Variants in PSMA8 observed in about 807,000 individuals in gnomAD.
The protein encoded by PSMA8 is proteasome 20S subunit alpha 8, also known as proteasome subunit alpha-type 8.
In PSMA8, 18 loss-of-function variants were observed where a neutral mutation model predicts 32.4. That is an observed-to-expected ratio of 0.56 (90% confidence interval 0.38 to 0.82). PSMA8 has a LOEUF of 0.82. PSMA8 is among the 40% of genes least tolerant of loss of function. The pLI is 0.00. For synonymous variants in PSMA8, 104 were observed against 98.1 expected (o/e 1.06, Z -0.36); for missense variants, 298 against 300.7 (o/e 0.99, Z 0.07).
chr18:26,158,297 T>A, intron 4 of PSMA8, 53 bp downstream of exon 4: 1 of 1,388,272 alleles, frequency 7.2e-7, no homozygotes, highest in Non-Finnish European at 9.9e-7. Context: ...ATATTCAATG[T>A]AAATGCTTTA....
intron 4 of PSMA8, among the ~76,000 whole-genome samples, chr18:26,174,418 A>G (rs2055248579): frequency 6.6e-6 from 1 of 152,220 alleles, no homozygotes; most frequent in African/African-American, 2.4e-5. Flanking sequence ...CTCAAATTTT[A>G]TATTCAAAAC....
chr18:26,162,066 G>A (rs752024312), intron 4 of PSMA8, among the ~76,000 whole-genome samples: 1 of 152,122 alleles, frequency 6.6e-6, no homozygotes, highest in Non-Finnish European at 1.5e-5. Context: ...ATATATTTAT[G>A]GTTGTAAATG....
In PSMA8 at chr18:26,172,090, AC is replaced by A. The variant is rs1468334139; in HGVS notation, c.478-6739del. ...TAGCCTGCCCTTTATCTGAGGAATG[AC>A]ATCTTTATCTCAAGATTACCAGCTG... On this transcript the variant is annotated intron_variant, in intron 4 of 6. Coordinates refer to ENST00000415576, the MANE Select transcript of PSMA8 (RefSeq NM_001025096.2). Among the ~76,000 whole-genome samples the A allele has an allele frequency of 7.9e-5, 12 of 152,332 alleles. No individual in the cohort carries two copies. The East Asian group carries it at 2.3e-3, about 29-fold the overall frequency.
chr18:26,175,578 A>T (rs1385791110), intron 4 of PSMA8, among the ~76,000 whole-genome samples: 1 of 152,116 alleles, frequency 6.6e-6, no homozygotes, highest in Non-Finnish European at 1.5e-5. Context: ...TTCCCAAGGG[A>T]GTTAAGAGCT....
At chr18:26,189,596 A>G (rs2144364324) in intron 6 of PSMA8, among the ~76,000 whole-genome samples, 1 of 152,292 alleles carries the variant, frequency 6.6e-6, no homozygotes, top group East Asian at 1.9e-4. Context: ...ACAATAAAAT[A>G]TCATCTCACC....
At chr18:26,180,509 C>T (rs2144347899) in intron 6 of PSMA8, among the ~76,000 whole-genome samples, 1 of 152,174 alleles carries the variant, frequency 6.6e-6, no homozygotes, top group East Asian at 1.9e-4. Context: ...GAGCTTGCCC[C>T]TGCAGAGCCC....
chr18:26,170,272 TC>T lies in PSMA8; in HGVS notation c.478-8556del, dbSNP rs1006765617. On this transcript the variant is annotated intron_variant, in intron 4 of 6. Transcript: ENST00000415576. ...ATACTCATTTTCCCATCACTGGACT[TC>T]CAGGTTGTTTTCAATTTTCCACTGT... 2.3e-5 allele frequency among the ~76,000 whole-genome samples: 3 copies of T among 130,766 alleles called. 1 individual carries two copies. Among genetic ancestry groups the T allele is most frequent in the Admixed American group, 1.4e-4 (2 of 13,832 alleles). 85.8% of individuals were successfully genotyped at this position (130,766 alleles called of 152,430 possible).
At position 26,134,006 on chromosome 18, in the gene PSMA8, C is replaced by A. The variant is rs2054887773; in HGVS notation, c.41C>A (p.Pro14Gln). The change falls in exon 1 of 7, where the codon CCA becomes CAA. Residue 14 changes from proline (P) to glutamine (Q), a missense_variant. Coordinates refer to ENST00000415576, the MANE Select transcript of PSMA8 (RefSeq NM_001025096.2). ...GACAGGGCGATCACTGTCTTCTCCCCAGACGGACACCTTTTTCAAGTTGAA... is the reference window on the plus strand; with the variant it reads ...GACAGGGCGATCACTGTCTTCTCCCAAGACGGACACCTTTTTCAAGTTGAA... ...RYDRAITVFSPDGHLFQVEYA... is the reference protein window; with the variant it reads ...RYDRAITVFSQDGHLFQVEYA... 1 of 1,614,122 alleles carries A rather than the reference C, an allele frequency of 6.2e-7. No homozygotes were observed. Among genetic ancestry groups the A allele is most frequent in the African/African-American group, 1.3e-5 (1 of 75,044 alleles).
rs1568055151 is a variant in PSMA8 at position 26,144,813 on chromosome 18, C to CAAACAT, written c.229+128_229+129insAAACAT. 9.3e-6 allele frequency: 7 copies of CAAACAT among 752,954 alleles called. No homozygotes were observed. The African/African-American group carries it at 1.2e-4, about 13-fold the overall frequency. The allele number at this position is 752,954 out of a possible 1,614,324, so 46.6% of individuals were successfully genotyped here. On this transcript the variant is annotated intron_variant, in intron 2 of 6. Transcript: ENST00000415576. ...GTTGTTCTACAAACAATATATCCTA[C>CAAACAT]GTTTTAAAGCAAATACTAACTTTGT...
chr18:26,144,691 T>G lies in PSMA8; in HGVS notation c.229+6T>G, dbSNP rs1312994639. ...TGTCTGCATGGCTTTTGCAGGTACTTAAGGTCCTACAATAATGATGCATAG... is the reference window on the plus strand; with the variant it reads ...TGTCTGCATGGCTTTTGCAGGTACTGAAGGTCCTACAATAATGATGCATAG... On this transcript the variant is annotated splice_donor_region_variant and intron_variant, in intron 2 of 6. Coordinates refer to ENST00000415576, the MANE Select transcript of PSMA8 (RefSeq NM_001025096.2). The G allele has an allele frequency of 2.5e-6, 4 of 1,613,556 alleles. No homozygotes were observed. Among genetic ancestry groups the G allele is most frequent in the Non-Finnish European group, 3.4e-6 (4 of 1,179,674 alleles).
At chr18:26,148,499 T>TA (rs2055021103) in intron 2 of PSMA8, among the ~76,000 whole-genome samples, 1 of 151,846 alleles carries the variant, frequency 6.6e-6, no homozygotes, top group Non-Finnish European at 1.5e-5. Flanking sequence ...AAACTAGAAA[T>TA]AAAAGGAAAT....
chr18:26,182,296 A>T (rs770729574), intron 6 of PSMA8, among the ~76,000 whole-genome samples: 4 of 152,236 alleles, frequency 2.6e-5, no homozygotes, highest in Non-Finnish European at 4.4e-5. Context: ...TTTCTGCTGG[A>T]AGAAGATACC....
At chr18:26,164,616 A>G (rs2055163005) in intron 4 of PSMA8, among the ~76,000 whole-genome samples, 1 of 152,210 alleles carries the variant, frequency 6.6e-6, no homozygotes, top group African/African-American at 2.4e-5. Context: ...GGATATTTCA[A>G]AAATGTTAAT....
chr18:26,151,757 TAAGA>T (rs979957149), intron 2 of PSMA8, 97 bp from the exon 3 acceptor site: 2 of 1,104,616 alleles, frequency 1.8e-6, no homozygotes, highest in African/African-American at 1.6e-5. Context: ...AAAAAAAGGA[TAAGA>T]AAGATTTCAT....
At chr18:26,165,244 A>G (rs1349639674) in intron 4 of PSMA8, among the ~76,000 whole-genome samples, 1 of 152,206 alleles carries the variant, frequency 6.6e-6, no homozygotes, top group Non-Finnish European at 1.5e-5. Flanking sequence ...AGATGCTGAA[A>G]TAGTTAAGGA....
chr18:26,163,864 G>T (rs1300787924), intron 4 of PSMA8, among the ~76,000 whole-genome samples: 1 of 152,202 alleles, frequency 6.6e-6, no homozygotes, highest in Non-Finnish European at 1.5e-5. Context: ...AGGGAGATAA[G>T]TTACAGGCTA....
intron 6 of PSMA8, among the ~76,000 whole-genome samples, 173 bp downstream of exon 6, chr18:26,179,303 T>G (rs570276011): frequency 4.6e-5 from 7 of 151,710 alleles, no homozygotes; most frequent in Admixed American, 2.0e-4. Context: ...TGTGTTTTTT[T>G]TTTTTTTTTA....
intron 3 of PSMA8, among the ~76,000 whole-genome samples, chr18:26,154,918 T>C (rs1438317459): frequency 6.6e-6 from 1 of 150,458 alleles, no homozygotes; most frequent in Non-Finnish European, 1.5e-5. Context: ...CCCAGCCTAC[T>C]TTTTTATCTT....
chr18:26,172,694 A>G (rs1195356420), intron 4 of PSMA8, among the ~76,000 whole-genome samples: 1 of 152,186 alleles, frequency 6.6e-6, no homozygotes, highest in Non-Finnish European at 1.5e-5. Flanking sequence ...CTTAAAAAAA[A>G]AAGAAAAGCC....
Sources: gnomAD v4.1 joint callset for allele counts (sites outside exome capture counted in the v4.1 genomes callset) on GRCh38, gnomAD v4.1.1 for gene constraint, MANE v1.5 for transcripts, NCBI Gene and HGNC (gene_info 2026-07-23, HGNC 2026-07-21) for gene names.